TIAM1: variants seen among roughly 807,000 people sequenced by gnomAD.
The protein encoded by TIAM1 is rho guanine nucleotide exchange factor TIAM1.
A neutral mutation model predicts 163.5 loss-of-function variants in TIAM1; 65 were observed. The observed-to-expected ratio is 0.40, with a 90% CI of 0.33 to 0.49. TIAM1 has a LOEUF of 0.49. Among genes scored for constraint, TIAM1 ranks in the 20% least tolerant of loss-of-function variants. TIAM1 has a pLI of 0.77. For missense variants in TIAM1, 1,789 were observed against 2,044.7 expected (o/e 0.87, Z 2.41); for synonymous variants, 833 against 810.1 (o/e 1.03, Z -0.48).
intron 4 of TIAM1, among the ~76,000 whole-genome samples, chr21:31,263,572 C>T (rs1024136709): frequency 1.3e-5 from 2 of 152,086 alleles, no homozygotes; most frequent in Non-Finnish European, 2.9e-5. Context: ...TTGCTTTGCC[C>T]ATTTTCTGGG....
chr21:31,196,478 A>ATTTTTTTTTTTTTTTTT (rs59358430), intron 12 of TIAM1, among the ~76,000 whole-genome samples: 31 of 133,076 alleles, frequency 2.3e-4, no homozygotes, highest in African/African-American at 9.7e-4. Context: ...CATCTGGCTA[A>ATTTTTTTTTTTTTTTTT]TTTTTTTTTT....
At chr21:31,556,136 G>T (rs937569564) in intron 1 of TIAM1, among the ~76,000 whole-genome samples, 2 of 152,144 alleles carry the variant, frequency 1.3e-5, no homozygotes, top group African/African-American at 2.4e-5. Flanking sequence ...ACAACAGCAG[G>T]GGGGAAAGAG....
intron 2 of TIAM1, among the ~76,000 whole-genome samples, chr21:31,315,233 G>A (rs1462214154): frequency 6.6e-6 from 1 of 152,124 alleles, no homozygotes; most frequent in Non-Finnish European, 1.5e-5. Context: ...AGCTGCGCAT[G>A]GCCGGGCGCA....
intron 1 of TIAM1, among the ~76,000 whole-genome samples, chr21:31,547,775 G>C (rs1000515203): frequency 1.3e-5 from 2 of 152,132 alleles, no homozygotes; most frequent in Non-Finnish European, 2.9e-5. Flanking sequence ...TTCAATGCTC[G>C]ATAAACTGCT....
chr21:31,281,085 C>CAAAAAAA lies in TIAM1; in HGVS notation c.-188-4184_-188-4178dup, dbSNP rs748020575. Among the ~76,000 whole-genome samples the CAAAAAAA allele has an allele frequency of 9.3e-4, 59 of 63,500 alleles. 1 individual carries two copies. Among genetic ancestry groups the CAAAAAAA allele is most frequent in the Middle Eastern group, 9.8e-3 (1 of 102 alleles). The allele number at this position is 63,500 out of a possible 152,430, so 41.7% of individuals were successfully genotyped here. ...TGGGCAACAAAGTGAGACCCTAACT[C>CAAAAAAA]AAAAAAAAAAAAAAAAAAAAAAACA... On this transcript the variant is annotated intron_variant, in intron 2 of 27. Transcript: ENST00000541036.
chr21:31,249,763 G>A (rs143557630), intron 5 of TIAM1, among the ~76,000 whole-genome samples: 13 of 152,210 alleles, frequency 8.5e-5, no homozygotes, highest in African/African-American at 1.4e-4. Context: ...GCCAAGGCAC[G>A]TCACACATGA....
chr21:31,132,814 C>T (rs1350119100), intron 23 of TIAM1, among the ~76,000 whole-genome samples: 2 of 152,198 alleles, frequency 1.3e-5, no homozygotes, highest in African/African-American at 4.8e-5. Flanking sequence ...CTCATGCTAC[C>T]TTTGCCAGCC....
intron 4 of TIAM1, among the ~76,000 whole-genome samples, chr21:31,256,167 C>T (rs1346378073): frequency 2.0e-5 from 3 of 152,190 alleles, no homozygotes; most frequent in South Asian, 2.1e-4. Context: ...AGACTAATGA[C>T]ACATTGTGGT....
chr21:31,208,844 T>C (rs2086580151), intron 11 of TIAM1, among the ~76,000 whole-genome samples: 1 of 152,150 alleles, frequency 6.6e-6, no homozygotes. Context: ...GCGGAGGTAG[T>C]GAAAGTCATT....
intron 9 of TIAM1, among the ~76,000 whole-genome samples, chr21:31,216,936 A>G (rs138839104): frequency 0.024 from 3,700 of 152,276 alleles, 163 homozygotes; most frequent in African/African-American, 0.082. Context: ...GGCCAGGTGC[A>G]GTGGCTCATG....
At chr21:31,255,159 G>A (rs2072026325) in intron 4 of TIAM1, among the ~76,000 whole-genome samples, 1 of 152,196 alleles carries the variant, frequency 6.6e-6, no homozygotes, top group Admixed American at 6.5e-5. Flanking sequence ...GCGGGCCCCA[G>A]GTGAGCTTGC....
At chr21:31,301,069 G>A (rs184881839) in intron 2 of TIAM1, among the ~76,000 whole-genome samples, 170 of 152,310 alleles carry the variant, frequency 1.1e-3, no homozygotes, top group African/African-American at 3.5e-3. Flanking sequence ...TTTTGGAGCC[G>A]AGTGAGATTA....
At chr21:31,536,193 T>C (rs1354187575) in intron 1 of TIAM1, among the ~76,000 whole-genome samples, 14 of 152,172 alleles carry the variant, frequency 9.2e-5, no homozygotes, top group Non-Finnish European at 8.8e-5. Flanking sequence ...ACCATCCCTA[T>C]GAAATAGGTT....
At chr21:31,461,462 C>G (rs1304036030) in intron 2 of TIAM1, among the ~76,000 whole-genome samples, 1 of 151,922 alleles carries the variant, frequency 6.6e-6, no homozygotes, top group Non-Finnish European at 1.5e-5. Flanking sequence ...GCAGCCTGGG[C>G]AACAGAGAGA....
At chr21:31,269,677 T>G (rs1421742645) in intron 3 of TIAM1, among the ~76,000 whole-genome samples, 14 of 150,254 alleles carry the variant, frequency 9.3e-5, no homozygotes, top group South Asian at 2.1e-4. Context: ...GTTTGTTTTT[T>G]TTTTTTTTTT....
chr21:31,256,019 G>C (rs934671680), intron 4 of TIAM1, among the ~76,000 whole-genome samples: 10 of 152,128 alleles, frequency 6.6e-5, no homozygotes, highest in Admixed American at 3.9e-4. Flanking sequence ...CAACAGCTGT[G>C]GGCAAGAGTT....
chr21:31,529,441 G>A (rs2047904099), intron 1 of TIAM1, among the ~76,000 whole-genome samples: 1 of 151,896 alleles, frequency 6.6e-6, no homozygotes, highest in Non-Finnish European at 1.5e-5. Context: ...TAAGATTTCA[G>A]AAACGAGGAG....
intron 1 of TIAM1, among the ~76,000 whole-genome samples, chr21:31,554,887 G>A (rs113417846): frequency 6.6e-6 from 1 of 152,094 alleles, no homozygotes; most frequent in Non-Finnish European, 1.5e-5. Flanking sequence ...GAATCTCTGC[G>A]GCTTCCCATG....
intron 1 of TIAM1, among the ~76,000 whole-genome samples, chr21:31,480,371 T>G (rs1052706985): frequency 2.6e-5 from 4 of 152,366 alleles, no homozygotes; most frequent in Non-Finnish European, 2.9e-5. Context: ...GTTGCATTTT[T>G]AAACAAGGAA....
Sources: allele counts gnomAD v4.1 joint callset (sites outside exome capture counted in the v4.1 genomes callset), GRCh38; gene constraint gnomAD v4.1.1; transcripts MANE v1.5; gene names NCBI Gene and HGNC (gene_info 2026-07-23, HGNC 2026-07-21).